The following NELFA variants were observed in gnomAD, a reference collection of about 807,000 sequenced individuals.
The protein encoded by NELFA is negative elongation factor A.
In NELFA, 35 loss-of-function variants were observed where a neutral mutation model predicts 51.8. That is an observed-to-expected ratio of 0.68 (90% CI 0.52 to 0.90). The LOEUF (loss-of-function observed/expected upper bound fraction) is 0.90, where lower values mean the gene tolerates loss of function less well. Ranked by LOEUF, NELFA falls within the 40% of genes least tolerant of loss-of-function variation. The pLI, the probability that NELFA is intolerant of heterozygous loss-of-function variation, is 0.00. For missense variants in NELFA, 658 were observed against 746.4 expected (o/e 0.88, Z 1.38); for synonymous variants, 417 against 338.4 (o/e 1.23, Z -2.55).
chr4:2,005,244 G>C (rs1032593843), intron 1 of NELFA, among the ~76,000 whole-genome samples: 1 of 151,892 alleles, frequency 6.6e-6, no homozygotes, highest in Non-Finnish European at 1.5e-5. Flanking sequence ...AAAACATTCC[G>C]AGTTCTCCCT....
intron 1 of NELFA, among the ~76,000 whole-genome samples, chr4:1,997,767 C>T (rs138084077): frequency 6.6e-6 from 1 of 152,296 alleles, no homozygotes; most frequent in Non-Finnish European, 1.5e-5. Flanking sequence ...AGCACACTCC[C>T]TCCATCATGG....
chr4:1,983,542 CACCCGCCCCCA>C (rs1727966392), intron 10 of NELFA, 39 bp from the exon 11 acceptor site: 2 of 1,611,876 alleles, frequency 1.2e-6, no homozygotes, highest in Middle Eastern at 1.7e-4. Flanking sequence ...TGTCTGGGGG[CACCCGCCCCCA>C]ACCCGGCCCG....
At chr4:2,002,648 A>G (rs1394739234) in intron 1 of NELFA, among the ~76,000 whole-genome samples, 1 of 152,202 alleles carries the variant, frequency 6.6e-6, no homozygotes. Flanking sequence ...TCTTCTATTC[A>G]GTAAATGGTG....
Position 2,008,855 on chromosome 4 carries a change from G to A in NELFA, c.105C>T (p.Ala35=). ...APPSIASLLT[A]AVIDNIRLCF... ...AGAGACGGATGTTGTCGATGACCGC[G>A]GCCGTGAGCAGGGACGCGATGCTGG... The change falls in exon 1 of 11, where the codon GCC becomes GCT. Residue 35 remains alanine (A), a synonymous_variant. Coordinates refer to ENST00000382882, the MANE Select transcript of NELFA (RefSeq NM_005663.5). The A allele has an allele frequency of 6.2e-7, 1 of 1,606,242 alleles. No individual in the cohort carries two copies. The highest frequency in any genetic ancestry group is 1.1e-5 in the South Asian group (1 of 89,358).
chr4:1,992,570 C>G (rs989876937), intron 1 of NELFA: 2 of 320,600 alleles, frequency 6.2e-6, no homozygotes, highest in South Asian at 2.2e-5. Context: ...GGGTGAACAA[C>G]AGCGCCCTGC....
rs530083263 is a variant in NELFA at position 1,984,064 on chromosome 4, C to T, written c.1086G>A (p.Pro362=). Residue 362 remains proline (P), a synonymous_variant, in exon 9 of 11, where the codon CCG becomes CCA. Transcript: ENST00000382882. Reference sequence around the variant, plus strand: ...TGAACTGCGCTGGCAACGTGGGGCTCGGGGCGCTGGGCTCCTCTGGTGGGC... The same window carrying T: ...TGAACTGCGCTGGCAACGTGGGGCTTGGGGCGCTGGGCTCCTCTGGTGGGC... The part of the protein sequence containing the change: ...ASRPPEEPSA[P]SPTLPAQFKQ... The T allele has an allele frequency of 3.9e-5, 63 of 1,599,214 alleles. No homozygotes were observed. The highest frequency in any genetic ancestry group is 1.1e-4 in the East Asian group (5 of 44,750).
chr4:1,987,204 GGA>G (rs892864146), intron 4 of NELFA, among the ~76,000 whole-genome samples: 1 of 152,212 alleles, frequency 6.6e-6, no homozygotes, highest in Non-Finnish European at 1.5e-5. Flanking sequence ...GGAGCTGCAT[GGA>G]GAGCGCCTGT....
intron 2 of NELFA, among the ~76,000 whole-genome samples, chr4:1,991,256 C>T (rs1307277336): frequency 2.0e-5 from 3 of 152,326 alleles, no homozygotes; most frequent in East Asian, 3.9e-4. Flanking sequence ...AGAGCCCCTA[C>T]CCTCACGGAG....
intron 1 of NELFA, among the ~76,000 whole-genome samples, chr4:2,005,663 G>C (rs1728691928): frequency 6.6e-6 from 1 of 152,172 alleles, no homozygotes; most frequent in African/African-American, 2.4e-5. Flanking sequence ...CTGCTCTCCA[G>C]CCTGGGTGAG....
In NELFA at chr4:1,987,911, G is replaced by A; in HGVS notation, c.634+7C>T. On this transcript the variant is annotated splice_region_variant and intron_variant, in intron 4 of 10. Transcript: ENST00000382882. ...CAAGGCTCACGGCACCAGGGTGGGGGCCTTACTGGTGGTGTCCATCTTCCG... is the reference window on the plus strand; with the variant it reads ...CAAGGCTCACGGCACCAGGGTGGGGACCTTACTGGTGGTGTCCATCTTCCG... 1 of 1,599,518 alleles carries A rather than the reference G, an allele frequency of 6.3e-7. No individual in the cohort carries two copies.
intron 1 of NELFA, among the ~76,000 whole-genome samples, chr4:1,993,534 C>T (rs1237419190): frequency 6.7e-6 from 1 of 148,624 alleles, no homozygotes; most frequent in Non-Finnish European, 1.5e-5. Flanking sequence ...GCTGAGATCG[C>T]ACCATTGCAC....
At chr4:1,985,723 C>CA in intron 7 of NELFA, 53 bp downstream of exon 7, 2 of 1,483,550 alleles carry the variant, frequency 1.3e-6, no homozygotes, top group Non-Finnish European at 9.4e-7. Flanking sequence ...ACAATCGGAA[C>CA]AAAAGGGGCA....
At position 1,986,391 on chromosome 4, in the gene NELFA, C is replaced by T; in HGVS notation, c.646G>A (p.Gly216Ser). The T allele has an allele frequency of 6.2e-7, 1 of 1,612,388 alleles. No homozygotes were observed. Reference protein sequence around the residue: ...RKMDTTTPLKGIPKQAPFRSP... With the variant: ...RKMDTTTPLKSIPKQAPFRSP... ...CTGAAGGGCGCCTGCTTCGGGATGC[C>T]TTTGAGTGGGGCTGGAGGACGGCAA... Residue 216 changes from glycine to serine, a missense_variant, in exon 5 of 11, where the codon GGC becomes AGC. Coordinates refer to ENST00000382882, the MANE Select transcript of NELFA (RefSeq NM_005663.5).
chr4:2,001,496 A>C (rs934319651), intron 1 of NELFA, among the ~76,000 whole-genome samples: 9 of 152,224 alleles, frequency 5.9e-5, no homozygotes, highest in Admixed American at 1.3e-4. Context: ...GCAGAGAGCC[A>C]AATCATGAAT....
intron 1 of NELFA, among the ~76,000 whole-genome samples, chr4:2,001,865 T>C (rs1247396478): frequency 2.0e-5 from 3 of 149,782 alleles, no homozygotes; most frequent in Non-Finnish European, 1.5e-5. Context: ...ATCGTGCCAC[T>C]GCACTCCAGC....
At chr4:1,985,971 C>A (rs965450733) in intron 6 of NELFA, 107 bp from the exon 7 acceptor site, 10 of 1,340,066 alleles carry the variant, frequency 7.5e-6, no homozygotes, top group Admixed American at 2.3e-5. Context: ...CACCAAGGAG[C>A]GAGGAGAAAA....
At position 1,998,335 on chromosome 4, in the gene NELFA, TA is replaced by T. The variant is rs956898893; in HGVS notation, c.211-6621del. ...GAAGTAGGCTTCAGAAGATGGGTAA[TA>T]AAAAAAAAAACAATGATGAACTAAA... On this transcript the variant is annotated intron_variant, in intron 1 of 10. Coordinates refer to ENST00000382882, the MANE Select transcript of NELFA (RefSeq NM_005663.5). Among the ~76,000 whole-genome samples the T allele has an allele frequency of 7.7e-4, 109 of 141,120 alleles. 1 individual carries two copies. The highest frequency in any genetic ancestry group is 1.9e-3 in the African/African-American group (72 of 38,460). 92.6% of individuals were successfully genotyped at this position (141,120 alleles called of 152,430 possible).
intron 2 of NELFA, among the ~76,000 whole-genome samples, chr4:1,990,255 T>C (rs1307036637): frequency 6.6e-6 from 1 of 152,074 alleles, no homozygotes; most frequent in Non-Finnish European, 1.5e-5. Flanking sequence ...TCTCTTCCCG[T>C]CCCCGAGGGT....
rs546190046 is a variant in NELFA, at chr4:1,986,527, G to T, written c.635-125C>A. The T allele has an allele frequency of 3.8e-4, 563 of 1,471,880 alleles. 9 individuals are homozygous for T. The South Asian group carries it at 6.8e-3, about 18-fold the overall frequency. The allele number at this position is 1,471,880 out of a possible 1,614,324, so 91.2% of individuals were successfully genotyped here. On this transcript the variant is annotated intron_variant, in intron 4 of 10. Transcript: ENST00000382882. The stretch of plus-strand genomic sequence containing the variant: ...GAGGGGAAGGGCCAAACCCCTGGCG[G>T]GCAGCGGGCAGGACCCCCAGGATCC...
Sources: gnomAD v4.1 joint callset for allele counts (sites outside exome capture counted in the v4.1 genomes callset) on GRCh38, gnomAD v4.1.1 for gene constraint, MANE v1.5 for transcripts, NCBI Gene and HGNC (gene_info 2026-07-23, HGNC 2026-07-21) for gene names.